CDC25C: variants seen among roughly 807,000 people sequenced by gnomAD.
The protein encoded by CDC25C is M-phase inducer phosphatase 3.
CDC25C carries 48 observed loss-of-function variants against 52.5 expected under a neutral mutation model. That is an observed-to-expected ratio of 0.91 (90% CI 0.72 to 1.16). The LOEUF (loss-of-function observed/expected upper bound fraction) is 1.16, where lower values mean the gene tolerates loss of function less well. Among genes scored for constraint, CDC25C ranks in the 50% most tolerant of loss-of-function variants. The pLI, the probability that CDC25C is intolerant of heterozygous loss-of-function variation, is 0.00. For missense variants in CDC25C, 510 were observed against 566.1 expected (o/e 0.90, Z 1.01); for synonymous variants, 187 against 206.5 (o/e 0.91, Z 0.81).
At chr5:138,313,797 C>T (rs1418123750) in intron 7 of CDC25C, among the ~76,000 whole-genome samples, 2 of 152,052 alleles carry the variant, frequency 1.3e-5, no homozygotes, top group African/African-American at 4.8e-5. Flanking sequence ...TTTAGTATTT[C>T]CATCTAAATT....
intron 6 of CDC25C, among the ~76,000 whole-genome samples, chr5:138,323,254 T>C (rs1759580134): frequency 6.6e-6 from 1 of 152,094 alleles, no homozygotes; most frequent in African/African-American, 2.4e-5. Context: ...TAACATAAAA[T>C]AAACTATTTT....
chr5:138,327,867 CTT>C (rs775143862), intron 4 of CDC25C, among the ~76,000 whole-genome samples: 6 of 142,474 alleles, frequency 4.2e-5, no homozygotes, highest in Admixed American at 7.0e-5. Context: ...TCTGTACTTT[CTT>C]TTTTTTTTTT....
intron 6 of CDC25C, among the ~76,000 whole-genome samples, chr5:138,321,707 G>A (rs916401913): frequency 2.5e-4 from 29 of 117,232 alleles, no homozygotes; most frequent in African/African-American, 6.7e-5. Flanking sequence ...AGCTGAGATC[G>A]CACCACTGCA....
At chr5:138,307,509 A>G (rs1331696437) in intron 7 of CDC25C, among the ~76,000 whole-genome samples, 82 of 150,714 alleles carry the variant, frequency 5.4e-4, no homozygotes, top group African/African-American at 2.0e-3. Flanking sequence ...AAAAAAAAAA[A>G]AAGAAAAAGA....
chr5:138,304,927 T>C (rs1278242184), intron 7 of CDC25C, among the ~76,000 whole-genome samples: 1 of 152,168 alleles, frequency 6.6e-6, no homozygotes, highest in Non-Finnish European at 1.5e-5. Context: ...AGCAACTCAT[T>C]GTACTTAGAA....
At chr5:138,286,185 C>T in intron 12 of CDC25C, 52 bp from the exon 13 acceptor site, 1 of 1,385,980 alleles carries the variant, frequency 7.2e-7, no homozygotes, top group Non-Finnish European at 1.0e-6. Context: ...AGGTCAGGAT[C>T]CCAGGGGCCA....
chr5:138,287,356 T>C, intron 10 of CDC25C, 89 bp from the exon 11 acceptor site: 3 of 858,478 alleles, frequency 3.5e-6, no homozygotes, highest in Non-Finnish European at 5.8e-6. Context: ...AGCATACTCC[T>C]GTTCTGTCCA....
At chr5:138,305,560 C>T (rs978150156) in intron 7 of CDC25C, among the ~76,000 whole-genome samples, 1 of 152,158 alleles carries the variant, frequency 6.6e-6, no homozygotes, top group East Asian at 1.9e-4. Context: ...CACCACCATG[C>T]CTGGCTAATT....
At position 138,285,576 on chromosome 5, in the gene CDC25C, GT is replaced by G. The variant is rs2126631672; in HGVS notation, c.*115del. The G allele has an allele frequency of 2.1e-6, 2 of 961,856 alleles. No homozygotes were observed. Among genetic ancestry groups the G allele is most frequent in the East Asian group, 4.8e-5 (2 of 41,794 alleles). 59.6% of individuals were successfully genotyped at this position (961,856 alleles called of 1,614,324 possible). A position where few individuals can be genotyped will look rare whatever the true frequency, so the allele number is the denominator to read the frequency against. On this transcript the variant is annotated 3_prime_UTR_variant, in exon 14 of 14. Transcript: ENST00000323760. Reference sequence around the variant, plus strand: ...CTGGATACAAGTTGGTAGCCTGTTGGTTTGCAGAGACATCTTTTAATAATCT... The same window carrying G: ...CTGGATACAAGTTGGTAGCCTGTTGGTTGCAGAGACATCTTTTAATAATCT...
At chr5:138,290,827 CA>C in intron 8 of CDC25C, 87 bp from the exon 9 acceptor site, 2 of 807,006 alleles carry the variant, frequency 2.5e-6, no homozygotes, top group Non-Finnish European at 4.3e-6. Context: ...TGGTGGCGCA[CA>C]TCTGTAATCC....
intron 7 of CDC25C, among the ~76,000 whole-genome samples, chr5:138,296,278 C>T (rs189471529): frequency 8.6e-4 from 131 of 152,234 alleles, no homozygotes; most frequent in African/African-American, 3.0e-3. Context: ...CTCTGGAACC[C>T]AGGCTGGAGT....
intron 3 of CDC25C, among the ~76,000 whole-genome samples, 190 bp downstream of exon 3, chr5:138,329,363 A>C (rs1760149512): frequency 6.6e-6 from 1 of 152,166 alleles, no homozygotes; most frequent in African/African-American, 2.4e-5. Flanking sequence ...AGTAGCTCCT[A>C]TTAGTGTTAT....
chr5:138,326,573 C>A (rs1019616878), intron 4 of CDC25C, among the ~76,000 whole-genome samples: 1 of 152,196 alleles, frequency 6.6e-6, no homozygotes, highest in East Asian at 1.9e-4. Flanking sequence ...GATCTCCTGA[C>A]CTCGTGATCC....
At chr5:138,316,163 G>T (rs1166752512) in intron 7 of CDC25C, among the ~76,000 whole-genome samples, 4 of 152,156 alleles carry the variant, frequency 2.6e-5, no homozygotes, top group Admixed American at 2.6e-4. Context: ...GGACCTAATA[G>T]TCTCTGCAGC....
At chr5:138,310,822 G>A (rs1272847023) in intron 7 of CDC25C, among the ~76,000 whole-genome samples, 2 of 152,118 alleles carry the variant, frequency 1.3e-5, no homozygotes, top group Non-Finnish European at 2.9e-5. Context: ...CCTTCAATAG[G>A]GACTTCGAAT....
chr5:138,285,813 G>C lies in CDC25C; in HGVS notation c.1301C>G (p.Pro434Arg). 1 of 1,614,170 alleles carries C rather than the reference G, an allele frequency of 6.2e-7. No homozygotes were observed. Among genetic ancestry groups the C allele is most frequent in the Non-Finnish European group, 8.5e-7 (1 of 1,180,004 alleles). Residue 434 changes from proline to arginine, a missense_variant, in exon 14 of 14, where the codon CCT (proline) becomes CGT (arginine). Coordinates refer to ENST00000323760, the MANE Select transcript of CDC25C (RefSeq NM_001790.5). ...AGTCTTGTGGTCCTGATGATGCATA[G>C]GGCAGTAGCTCTGTGGTTCACACAG... is the stretch of plus-strand genomic sequence containing the variant. Reference protein sequence around the residue: ...MELCEPQSYCPMHHQDHKTEL... With the variant: ...MELCEPQSYCRMHHQDHKTEL...
chr5:138,292,480 C>CAA (rs70982703), intron 7 of CDC25C, among the ~76,000 whole-genome samples: 2,474 of 62,460 alleles, frequency 0.04, 20 homozygotes, highest in Non-Finnish European at 0.049. Context: ...GTTATGTGAC[C>CAA]AAAAAAAAAA....
At chr5:138,316,161 T>C (rs968598881) in intron 7 of CDC25C, among the ~76,000 whole-genome samples, 1 of 152,178 alleles carries the variant, frequency 6.6e-6, no homozygotes, top group African/African-American at 2.4e-5. Context: ...CAGGACCTAA[T>C]AGTCTCTGCA....
Position 138,328,127 on chromosome 5 carries a change from A to G in CDC25C, c.335+357T>C, listed in dbSNP as rs147878173. Among the ~76,000 whole-genome samples the G allele has an allele frequency of 6.0e-4, 92 of 152,336 alleles. No homozygotes were observed. The Middle Eastern group carries it at 0.01, about 17-fold the overall frequency. On this transcript the variant is annotated intron_variant, in intron 4 of 13. Transcript: ENST00000323760. ...ACTGATCCGCCTGCCTTGGCCTCCC[A>G]AAGTGCTGGGATTACAGATGTAAGC... is the stretch of plus-strand genomic sequence containing the variant.
Sources: allele counts gnomAD v4.1 joint callset (sites outside exome capture counted in the v4.1 genomes callset), GRCh38; gene constraint gnomAD v4.1.1; transcripts MANE v1.5; gene names NCBI Gene and HGNC (gene_info 2026-07-23, HGNC 2026-07-21).